The following RIC1 variants were observed in gnomAD, a reference collection of about 807,000 sequenced individuals.
RIC1 encodes the protein guanine nucleotide exchange factor subunit RIC1.
A neutral mutation model predicts 169.0 loss-of-function variants in RIC1; 88 were observed. The observed-to-expected ratio is 0.52, with a 90% CI of 0.44 to 0.62. The LOEUF (loss-of-function observed/expected upper bound fraction) is 0.62, where lower values mean the gene tolerates loss of function less well. RIC1 is among the 20% of genes least tolerant of loss of function. The pLI, the probability that RIC1 is intolerant of heterozygous loss-of-function variation, is 0.00. For synonymous variants in RIC1, 790 were observed against 601.5 expected, an observed-to-expected ratio of 1.31 and a Z score of -4.59; for missense variants, 1,877 against 1,725.5, an observed-to-expected ratio of 1.09 and a Z score of -1.56.
At chr9:5,737,333 CA>C (rs1185030071) in intron 7 of RIC1, among the ~76,000 whole-genome samples, 2 of 151,994 alleles carry the variant, frequency 1.3e-5, no homozygotes, top group Non-Finnish European at 2.9e-5. Flanking sequence ...ACCATATACA[CA>C]AAAAAGCATA....
chr9:5,660,405 T>A (rs1377438053), intron 2 of RIC1, among the ~76,000 whole-genome samples: 1 of 152,220 alleles, frequency 6.6e-6, no homozygotes, highest in Non-Finnish European at 1.5e-5. Context: ...TATTTCTGCC[T>A]CTAGGTCTTT....
At chr9:5,681,323 A>C (rs988049309) in intron 2 of RIC1, among the ~76,000 whole-genome samples, 10 of 151,000 alleles carry the variant, frequency 6.6e-5, no homozygotes, top group African/African-American at 2.4e-4. Context: ...CCCTCTACGC[A>C]CTGCTTTGAA....
chr9:5,725,749 G>C (rs1486526895), intron 6 of RIC1, among the ~76,000 whole-genome samples: 1 of 151,982 alleles, frequency 6.6e-6, no homozygotes, highest in Admixed American at 6.5e-5. Flanking sequence ...AGAGATTCTG[G>C]TATGTTGTGT....
chr9:5,672,889 A>T (rs1820194482), intron 2 of RIC1, among the ~76,000 whole-genome samples: 3 of 152,218 alleles, frequency 2.0e-5, no homozygotes, highest in African/African-American at 7.2e-5. Context: ...CTGGAAACTT[A>T]AGGGAACATT....
At chr9:5,728,304 C>T (rs982728181) in intron 6 of RIC1, among the ~76,000 whole-genome samples, 1 of 152,234 alleles carries the variant, frequency 6.6e-6, no homozygotes, top group African/African-American at 2.4e-5. Context: ...GCTGTGCTAG[C>T]AGTGAGCAAG....
intron 3 of RIC1, among the ~76,000 whole-genome samples, chr9:5,708,530 G>C (rs1822740007): frequency 6.6e-6 from 1 of 151,908 alleles, no homozygotes; most frequent in Admixed American, 6.6e-5. Context: ...TGTTTTTGAA[G>C]GATAATTTTT....
chr9:5,738,787 A>C (rs913989552), intron 8 of RIC1, among the ~76,000 whole-genome samples: 1 of 152,084 alleles, frequency 6.6e-6, no homozygotes, highest in Non-Finnish European at 1.5e-5. Flanking sequence ...GTGGGAATGC[A>C]GTAGGCTTCC....
At chr9:5,675,791 CTCT>C (rs1284396314) in intron 2 of RIC1, among the ~76,000 whole-genome samples, 1 of 152,150 alleles carries the variant, frequency 6.6e-6, no homozygotes, top group Non-Finnish European at 1.5e-5. Flanking sequence ...TTTCACTAAA[CTCT>C]TCTTCCTTTG....
At chr9:5,770,003 A>G (rs1586730480) in intron 22 of RIC1, 84 bp from the exon 23 acceptor site, 1 of 1,224,732 alleles carries the variant, frequency 8.2e-7, no homozygotes. Context: ...CAGGTAGGGG[A>G]AGCTAAAAGA....
chr9:5,748,507 T>A (rs1825523691), intron 12 of RIC1: 1 of 152,686 alleles, frequency 6.5e-6, no homozygotes, highest in Non-Finnish European at 1.5e-5. Context: ...CATTTTATAA[T>A]TAGTAACAAT....
chr9:5,704,431 C>G (rs114679603), intron 3 of RIC1, among the ~76,000 whole-genome samples: 1 of 151,980 alleles, frequency 6.6e-6, no homozygotes, highest in East Asian at 1.9e-4. Context: ...AAGCTAGTCT[C>G]AAACTCCTGG....
At chr9:5,640,390 C>G (rs532424502) in intron 1 of RIC1, among the ~76,000 whole-genome samples, 21 of 152,224 alleles carry the variant, frequency 1.4e-4, no homozygotes, top group African/African-American at 5.1e-4. Context: ...TACACTTTAA[C>G]TTCATCCCTC....
chr9:5,677,002 T>C (rs1339188732), intron 2 of RIC1, among the ~76,000 whole-genome samples: 2 of 152,218 alleles, frequency 1.3e-5, no homozygotes, highest in Non-Finnish European at 2.9e-5. Context: ...GTACAAGTCT[T>C]TGTATGGATG....
At chr9:5,686,023 A>G (rs1282194249) in intron 2 of RIC1, among the ~76,000 whole-genome samples, 2 of 152,084 alleles carry the variant, frequency 1.3e-5, no homozygotes, top group African/African-American at 2.4e-5. Context: ...AACACATGAA[A>G]AAATGCTCAT....
intron 14 of RIC1, 30 bp from the exon 15 acceptor site, chr9:5,754,811 G>A (rs770962115): frequency 7.4e-7 from 1 of 1,356,450 alleles, no homozygotes; most frequent in South Asian, 1.4e-5. Context: ...GTAGCATAAG[G>A]TAAATTTTTT....
chr9:5,647,983 G>A (rs1453142153), intron 1 of RIC1, among the ~76,000 whole-genome samples: 63 of 113,884 alleles, frequency 5.5e-4, no homozygotes, highest in Middle Eastern at 4.5e-3. Flanking sequence ...GATGGTGGTG[G>A]TGGTGGTGGT....
chr9:5,702,439 C>T (rs1822279915), intron 3 of RIC1, among the ~76,000 whole-genome samples: 2 of 152,324 alleles, frequency 1.3e-5, no homozygotes, highest in Admixed American at 6.5e-5. Context: ...GAAGGGGAAG[C>T]AGGCACCTCT....
At chr9:5,691,693 TA>T (rs1821599068) in intron 3 of RIC1, among the ~76,000 whole-genome samples, 1 of 152,100 alleles carries the variant, frequency 6.6e-6, no homozygotes, top group Non-Finnish European at 1.5e-5. Flanking sequence ...TGACTAAAAT[TA>T]GATTTACTGG....
rs1827557040 is a variant in RIC1, at chr9:5,775,905, A to C, written c.*1659A>C. On this transcript the variant is annotated 3_prime_UTR_variant, in exon 26 of 26. Coordinates refer to ENST00000414202, the MANE Select transcript of RIC1 (RefSeq NM_020829.4). ...TTTGTTTCAAACCACCTTTCCCTGA[A>C]TCTTAAAGATAATGTTTTGCATGTG... The C allele has an allele frequency of 6.6e-6, 1 of 152,132 alleles. No individual in the cohort carries two copies. Among genetic ancestry groups the C allele is most frequent in the South Asian group, 2.1e-4 (1 of 4,830 alleles). 9.4% of individuals were successfully genotyped at this position (152,132 alleles called of 1,614,324 possible).
Sources: gnomAD v4.1 joint callset for allele counts (sites outside exome capture counted in the v4.1 genomes callset) on GRCh38, gnomAD v4.1.1 for gene constraint, MANE v1.5 for transcripts, NCBI Gene and HGNC (gene_info 2026-07-23, HGNC 2026-07-21) for gene names.